Variants in CTNNA3 observed in about 807,000 individuals in gnomAD.
The protein encoded by CTNNA3 is catenin alpha 3.
CTNNA3 carries 76 observed loss-of-function variants against 95.7 expected under a neutral mutation model. The ratio of observed to expected loss-of-function variants is 0.79; its 90% CI spans 0.66 to 0.96. The LOEUF is 0.96. Among genes scored for constraint, CTNNA3 ranks in the 40% least tolerant of loss-of-function variants. The probability of loss-of-function intolerance (pLI) is 0.00; values close to 1 mark genes in which losing one functional copy is unlikely to be tolerated. For missense variants in CTNNA3, 1,191 were observed against 1,089.8 expected, an observed-to-expected ratio of 1.09 and a Z score of -1.31; for synonymous variants, 431 against 374.4, an observed-to-expected ratio of 1.15 and a Z score of -1.74.
At chr10:66,888,152 AAG>A (rs1215371277) in intron 7 of CTNNA3, among the ~76,000 whole-genome samples, 49 of 152,306 alleles carry the variant, frequency 3.2e-4, no homozygotes, top group African/African-American at 1.2e-3. Context: ...TGAAGTGTAT[AAG>A]ATGGCTTATT....
chr10:67,623,439 T>G (rs1254504784), intron 2 of CTNNA3, among the ~76,000 whole-genome samples: 2 of 151,766 alleles, frequency 1.3e-5, no homozygotes, highest in Non-Finnish European at 2.9e-5. Context: ...TCAAGGAGAG[T>G]AGAAAGGAAT....
At position 66,276,289 on chromosome 10, in the gene CTNNA3, CAAAACATGTG is replaced by C. The variant is rs1416156937; in HGVS notation, c.1884+4171_1884+4180del. Among the ~76,000 whole-genome samples, 3 of 152,044 alleles carry C rather than the reference CAAAACATGTG, an allele frequency of 2.0e-5. No homozygotes were observed. The East Asian group carries it at 5.8e-4, about 29-fold the overall frequency. On this transcript the variant is annotated intron_variant, in intron 13 of 17. Coordinates refer to ENST00000433211, the MANE Select transcript of CTNNA3 (RefSeq NM_013266.4). ...TAAGGCACATATGAAAATTCACAAA[CAAAACATGTG>C]AAATCTACATTCTGAATGCCCGTTA...
chr10:67,550,439 A>C (rs1172279847), intron 3 of CTNNA3, among the ~76,000 whole-genome samples: 1 of 152,182 alleles, frequency 6.6e-6, no homozygotes, highest in Non-Finnish European at 1.5e-5. Context: ...ATCCTGAGCA[A>C]GTCACATAAT....
At chr10:66,425,605 T>G (rs2093232852) in intron 11 of CTNNA3, among the ~76,000 whole-genome samples, 1 of 152,096 alleles carries the variant, frequency 6.6e-6, no homozygotes, top group African/African-American at 2.4e-5. Flanking sequence ...TCCCAAGTTC[T>G]TTTTCCTAGA....
intron 1 of CTNNA3, among the ~76,000 whole-genome samples, chr10:67,737,138 T>A (rs1490171443): frequency 6.6e-6 from 1 of 151,968 alleles, no homozygotes; most frequent in Non-Finnish European, 1.5e-5. Context: ...TAATTTCAAG[T>A]ACCTTTTTAA....
At position 67,723,983 on chromosome 10, in the gene CTNNA3, C is replaced by A. The variant is rs576549980; in HGVS notation, c.-2+39451G>T. Among the ~76,000 whole-genome samples the A allele has an allele frequency of 3.3e-5, 5 of 152,202 alleles. No individual in the cohort carries two copies. In the East Asian group the frequency reaches 7.7e-4, roughly 24 times the overall value. ...GGAGCTGGCAAACAATTGCTCCTTC[C>A]AGTAGACCTTTAGGTAGAGAACTCT... is the stretch of plus-strand genomic sequence containing the variant. On this transcript the variant is annotated intron_variant, in intron 1 of 17. Transcript: ENST00000684154.
Position 67,712,096 on chromosome 10 carries a change from G to A in CTNNA3, c.-2+51338C>T, listed in dbSNP as rs187364048. Among the ~76,000 whole-genome samples the A allele has an allele frequency of 9.6e-3, 1,459 of 152,168 alleles. 25 individuals are homozygous for A. The highest frequency in any genetic ancestry group is 0.033 in the African/African-American group (1,387 of 41,508). Reference sequence around the variant, plus strand: ...AGACACATGCACACGTATGTTTATTGCAGCATTATTCACAATAGCAAAGAC... The same window carrying A: ...AGACACATGCACACGTATGTTTATTACAGCATTATTCACAATAGCAAAGAC... On this transcript the variant is annotated intron_variant, in intron 1 of 17. Coordinates refer to the CTNNA3 transcript ENST00000684154.
chr10:66,661,761 C>T (rs7906474), intron 9 of CTNNA3, among the ~76,000 whole-genome samples: 99,168 of 151,540 alleles, frequency 0.65, 33,240 homozygotes, highest in East Asian at 0.95. Context: ...GCTTTATCAC[C>T]GAAGAGATTA....
chr10:67,103,712 T>C (rs540460326), intron 7 of CTNNA3, among the ~76,000 whole-genome samples: 137 of 151,844 alleles, frequency 9.0e-4, no homozygotes, highest in Middle Eastern at 3.4e-3. Flanking sequence ...TGAGAAGAGA[T>C]TATAATCAAC....
intron 7 of CTNNA3, among the ~76,000 whole-genome samples, chr10:67,066,963 C>A (rs946009267): frequency 6.6e-6 from 1 of 152,058 alleles, no homozygotes; most frequent in African/African-American, 2.4e-5. Context: ...AAAGTGAATC[C>A]TGTCTCTTAA....
chr10:66,461,479 C>T (rs10997144), intron 11 of CTNNA3, among the ~76,000 whole-genome samples: 18,445 of 151,760 alleles, frequency 0.12, 1,647 homozygotes, highest in African/African-American at 0.25. Flanking sequence ...ATATTTCCTA[C>T]GAAATTAACA....
At chr10:66,806,555 G>A (rs955850644) in intron 7 of CTNNA3, among the ~76,000 whole-genome samples, 2 of 151,952 alleles carry the variant, frequency 1.3e-5, no homozygotes, top group South Asian at 2.1e-4. Context: ...TATAAGGAAC[G>A]AAAGTGGGTG....
upstream of CTNNA3, among the ~76,000 whole-genome samples, chr10:67,700,468 C>A (rs1021627287): frequency 2.6e-5 from 4 of 152,132 alleles, no homozygotes; most frequent in South Asian, 8.3e-4. Context: ...TCACGGTTCA[C>A]GAAAATCCGC....
intron 14 of CTNNA3, among the ~76,000 whole-genome samples, chr10:66,071,310 C>T (rs2080429071): frequency 4.5e-5 from 2 of 44,064 alleles, no homozygotes; most frequent in East Asian, 1.9e-3. Flanking sequence ...CTGTCAAAGG[C>T]TTTTTCAATC....
intron 12 of CTNNA3, among the ~76,000 whole-genome samples, chr10:66,314,104 A>C (rs2092064557): frequency 6.6e-6 from 1 of 152,166 alleles, no homozygotes; most frequent in South Asian, 2.1e-4. Flanking sequence ...AGCCTTCACC[A>C]GTCATAGGAA....
At chr10:67,370,697 T>G (rs998830937) in intron 5 of CTNNA3, among the ~76,000 whole-genome samples, 1 of 152,162 alleles carries the variant, frequency 6.6e-6, no homozygotes, top group African/African-American at 2.4e-5. Context: ...TATTTGCTCT[T>G]TAATGTGACA....
At chr10:66,683,657 A>G (rs1299904244) in intron 9 of CTNNA3, among the ~76,000 whole-genome samples, 1 of 149,314 alleles carries the variant, frequency 6.7e-6, no homozygotes, top group Non-Finnish European at 1.5e-5. Context: ...TCAAAGCTTT[A>G]ATACTGTTTA....
chr10:67,305,072 C>A (rs1411016278), intron 5 of CTNNA3, among the ~76,000 whole-genome samples: 1 of 152,056 alleles, frequency 6.6e-6, no homozygotes, highest in East Asian at 1.9e-4. Flanking sequence ...GTCAGGAGAT[C>A]AAGACCATCC....
At chr10:67,727,322 A>G (rs1005880781) in intron 1 of CTNNA3, among the ~76,000 whole-genome samples, 2 of 132,946 alleles carry the variant, frequency 1.5e-5, no homozygotes, top group South Asian at 2.2e-4. Flanking sequence ...GATATATTAT[A>G]TATTTATATA....
Sources: allele counts gnomAD v4.1 joint callset (sites outside exome capture counted in the v4.1 genomes callset), GRCh38; gene constraint gnomAD v4.1.1; transcripts MANE v1.5; gene names NCBI Gene and HGNC (gene_info 2026-07-23, HGNC 2026-07-21).